PTPN13: variants seen among roughly 807,000 people sequenced by gnomAD.
PTPN13 encodes the protein tyrosine-protein phosphatase non-receptor type 13.
A neutral mutation model predicts 284.0 loss-of-function variants in PTPN13; 191 were observed. The ratio of observed to expected loss-of-function variants is 0.67; its 90% CI spans 0.60 to 0.76. The LOEUF (loss-of-function observed/expected upper bound fraction) is 0.76, where lower values mean the gene tolerates loss of function less well. Ranked by LOEUF, PTPN13 falls within the 30% of genes least tolerant of loss-of-function variation. PTPN13 has a pLI of 0.00. For synonymous variants in PTPN13, 986 were observed against 1,022.3 expected (o/e 0.96, Z 0.68); for missense variants, 2,797 against 2,939.9 (o/e 0.95, Z 1.12).
chr4:86,656,557 A>C (rs559219855), intron 2 of PTPN13, among the ~76,000 whole-genome samples: 6 of 152,176 alleles, frequency 3.9e-5, no homozygotes, highest in Non-Finnish European at 8.8e-5. Flanking sequence ...CAGAACAGCA[A>C]ATGTTGCTGC....
chr4:86,751,977 G>A (rs1409619985), intron 19 of PTPN13, among the ~76,000 whole-genome samples: 2 of 151,852 alleles, frequency 1.3e-5, no homozygotes, highest in Non-Finnish European at 2.9e-5. Context: ...CTATATATAT[G>A]CACCTTTTAA....
At chr4:86,757,762 CAAA>C (rs542129918) in intron 20 of PTPN13, among the ~76,000 whole-genome samples, 8 of 112,502 alleles carry the variant, frequency 7.1e-5, no homozygotes, top group Admixed American at 2.8e-4. Flanking sequence ...GACTCTGTCT[CAAA>C]AAAAAAAAAA....
chr4:86,761,369 T>G (rs1463893106), intron 23 of PTPN13, among the ~76,000 whole-genome samples: 1 of 152,028 alleles, frequency 6.6e-6, no homozygotes, highest in Non-Finnish European at 1.5e-5. Context: ...TAGCTATAAT[T>G]CTATTATAAA....
At chr4:86,737,218 AC>A (rs1194820992) in intron 15 of PTPN13, among the ~76,000 whole-genome samples, 1 of 151,928 alleles carries the variant, frequency 6.6e-6, no homozygotes, top group Non-Finnish European at 1.5e-5. Context: ...AGCCTAAGTA[AC>A]AGAACAAGAC....
At chr4:86,746,719 G>C (rs1418259240) in intron 17 of PTPN13, among the ~76,000 whole-genome samples, 1 of 151,670 alleles carries the variant, frequency 6.6e-6, no homozygotes, top group Admixed American at 6.6e-5. Flanking sequence ...TGCAACATTC[G>C]CCTTCTGGTT....
intron 9 of PTPN13, 136 bp downstream of exon 9, chr4:86,717,253 A>G (rs1048216206): frequency 3.0e-5 from 18 of 600,438 alleles, no homozygotes; most frequent in South Asian, 6.9e-5. Context: ...CAGTGGCGCA[A>G]TCTCGGCTCA....
intron 3 of PTPN13, 68 bp from the exon 4 acceptor site, chr4:86,686,642 T>G: frequency 9.9e-7 from 1 of 1,007,156 alleles, no homozygotes; most frequent in Non-Finnish European, 1.5e-6. Flanking sequence ...TAATCTGTTT[T>G]TATAGCACTT....
intron 1 of PTPN13, 108 bp downstream of exon 1, chr4:86,594,897 A>C (rs1418468464): frequency 6.6e-6 from 1 of 152,484 alleles, no homozygotes; most frequent in African/African-American, 2.4e-5. Flanking sequence ...TCCAGTCCCT[A>C]AACCCAACTC....
chr4:86,775,406 A>T (rs1239879108), intron 34 of PTPN13, 36 bp from the exon 35 acceptor site: 17 of 1,598,660 alleles, frequency 1.1e-5, no homozygotes, highest in Non-Finnish European at 1.5e-5. Flanking sequence ...AAGTACTTTT[A>T]TGACTGAGAA....
At chr4:86,639,619 A>C (rs1723515230) in intron 2 of PTPN13, among the ~76,000 whole-genome samples, 1 of 151,848 alleles carries the variant, frequency 6.6e-6, no homozygotes, top group African/African-American at 2.4e-5. Flanking sequence ...CATAGATGGG[A>C]ATTGAACAAT....
At chr4:86,613,799 T>C (rs530254015) in intron 1 of PTPN13, among the ~76,000 whole-genome samples, 2 of 152,298 alleles carry the variant, frequency 1.3e-5, no homozygotes, top group Admixed American at 6.5e-5. Context: ...ATCTTTTTGT[T>C]AGGAAGGAAA....
chr4:86,652,911 C>T (rs181439138), intron 2 of PTPN13, among the ~76,000 whole-genome samples: 46 of 151,884 alleles, frequency 3.0e-4, no homozygotes, highest in Admixed American at 1.2e-3. Flanking sequence ...TTCCAGATCT[C>T]GTAGCCATGC....
chr4:86,803,655 C>T lies in PTPN13; in HGVS notation c.6506-54C>T, dbSNP rs1463063680. 14 of 1,570,080 alleles carry T rather than the reference C, an allele frequency of 8.9e-6. No homozygotes were observed. In the East Asian group the frequency reaches 2.2e-4, roughly 25 times the overall value. ...GTGAACATAGGCTGAAATTAGTTCA[C>T]TTAGTTAAATTGGTTCTGGAGGAAC... On this transcript the variant is annotated intron_variant, in intron 42 of 47. Transcript: ENST00000411767.
At chr4:86,772,585 A>T (rs1740127404) in intron 31 of PTPN13, among the ~76,000 whole-genome samples, 193 bp from the exon 32 acceptor site, 2 of 152,164 alleles carry the variant, frequency 1.3e-5, no homozygotes, top group Non-Finnish European at 2.9e-5. Context: ...CTAGACAGAG[A>T]ATAAATTATT....
chr4:86,756,454 T>C (rs1737980946), intron 20 of PTPN13, among the ~76,000 whole-genome samples: 1 of 152,100 alleles, frequency 6.6e-6, no homozygotes, highest in Admixed American at 6.6e-5. Flanking sequence ...CTTCACACCA[T>C]TGTCCAATGA....
Position 86,770,103 on chromosome 4 carries a change from A to G in PTPN13, c.4707A>G (p.Glu1569=). ...GASLKGLSQQ[E]VISALRGTAP... ...TTTGTCATTCATGGTACCCCCAGGAAGTCATATCTGCTCTCAGGGGAACTG... is the reference window on the plus strand; with the variant it reads ...TTTGTCATTCATGGTACCCCCAGGAGGTCATATCTGCTCTCAGGGGAACTG... The change falls in exon 30 of 48, where the codon GAA becomes GAG. Residue 1569 remains glutamate (E), a splice_region_variant and synonymous_variant. Coordinates refer to ENST00000411767, the MANE Select transcript of PTPN13 (RefSeq NM_080683.3). The G allele has an allele frequency of 6.2e-7, 1 of 1,613,650 alleles. No homozygotes were observed. The highest frequency in any genetic ancestry group is 1.3e-5 in the African/African-American group (1 of 75,020).
intron 10 of PTPN13, among the ~76,000 whole-genome samples, chr4:86,730,603 C>A (rs1734825528): frequency 6.7e-6 from 1 of 149,944 alleles, no homozygotes; most frequent in South Asian, 2.1e-4. Context: ...GGGTGTGGGA[C>A]CTGCTGAGCC....
intron 2 of PTPN13, among the ~76,000 whole-genome samples, chr4:86,649,144 T>A (rs954739011): frequency 1.2e-4 from 19 of 152,174 alleles, no homozygotes; most frequent in African/African-American, 4.6e-4. Flanking sequence ...ATGGATAGTT[T>A]ACAAATATTT....
intron 2 of PTPN13, chr4:86,661,024 G>A (rs1426374041): frequency 7.2e-6 from 3 of 413,848 alleles, no homozygotes; most frequent in Non-Finnish European, 1.4e-5. Context: ...AACATATATT[G>A]CAAACAGCAT....
Sources: allele counts gnomAD v4.1 joint callset (sites outside exome capture counted in the v4.1 genomes callset), GRCh38; gene constraint gnomAD v4.1.1; transcripts MANE v1.5; gene names NCBI Gene and HGNC (gene_info 2026-07-23, HGNC 2026-07-21).